The following PRKAR2B variants were observed in gnomAD, a reference collection of about 807,000 sequenced individuals.
PRKAR2B encodes the protein cAMP-dependent protein kinase type II-beta regulatory subunit.
In PRKAR2B, 14 loss-of-function variants were observed where a neutral mutation model predicts 49.9. The observed-to-expected ratio is 0.28, with a 90% CI of 0.19 to 0.44. PRKAR2B has a LOEUF of 0.44. PRKAR2B is among the 20% of genes least tolerant of loss of function. PRKAR2B has a pLI of 1.00. For synonymous variants in PRKAR2B, 196 were observed against 197.7 expected (o/e 0.99, Z 0.07); for missense variants, 393 against 537.9 (o/e 0.73, Z 2.67).
At chr7:107,118,180 A>G (rs777634077) in intron 2 of PRKAR2B, among the ~76,000 whole-genome samples, 11 of 152,136 alleles carry the variant, frequency 7.2e-5, no homozygotes, top group Admixed American at 5.9e-4. Flanking sequence ...TGTTACAGAA[A>G]TATTTACTGA....
intron 2 of PRKAR2B, among the ~76,000 whole-genome samples, chr7:107,095,744 G>GC (rs1794825141): frequency 6.6e-6 from 1 of 152,160 alleles, no homozygotes; most frequent in Admixed American, 6.5e-5. Context: ...GGCTTTTTCT[G>GC]CATCTATTGA....
chr7:107,078,445 C>T (rs1794450702), intron 2 of PRKAR2B, among the ~76,000 whole-genome samples: 1 of 152,056 alleles, frequency 6.6e-6, no homozygotes, highest in African/African-American at 2.4e-5. Flanking sequence ...AGGGCACAGG[C>T]CTGGGGGCTT....
At chr7:107,092,723 A>G (rs1794753782) in intron 2 of PRKAR2B, among the ~76,000 whole-genome samples, 1 of 152,354 alleles carries the variant, frequency 6.6e-6, no homozygotes, top group South Asian at 2.1e-4. Flanking sequence ...AATTTTAAAC[A>G]TAACATAAAA....
intron 2 of PRKAR2B, among the ~76,000 whole-genome samples, chr7:107,109,124 C>T (rs372543848): frequency 1.3e-5 from 2 of 152,180 alleles, no homozygotes; most frequent in South Asian, 4.1e-4. Context: ...GTAAGGTAAC[C>T]TCCAGGTCAT....
At chr7:107,139,396 A>G (rs1249846877) in intron 4 of PRKAR2B, among the ~76,000 whole-genome samples, 3 of 152,096 alleles carry the variant, frequency 2.0e-5, no homozygotes, top group African/African-American at 7.2e-5. Context: ...GTTTCTCTCG[A>G]ATCTTTTGTC....
intron 2 of PRKAR2B, among the ~76,000 whole-genome samples, chr7:107,121,123 T>C (rs1408666511): frequency 3.2e-4 from 48 of 151,900 alleles, no homozygotes; most frequent in Admixed American, 3.2e-3. Context: ...TATTACATAT[T>C]TTTTGTCGGA....
rs1793673380 is a variant in PRKAR2B, at chr7:107,045,610, C to CCTTG, written c.307+397_307+400dup. ...GGCCCGCTTGGCGTCTTCTTTCAGCCCTTGTATTTATTAATGGAATGTCGA... is the reference window on the plus strand; with the variant it reads ...GGCCCGCTTGGCGTCTTCTTTCAGCCCTTGCTTGTATTTATTAATGGAATGTCGA... On this transcript the variant is annotated intron_variant, in intron 1 of 10. Transcript: ENST00000265717. Among the ~76,000 whole-genome samples the CCTTG allele has an allele frequency of 2.6e-5, 4 of 152,182 alleles. No homozygotes were observed. The South Asian group carries it at 8.3e-4, about 32-fold the overall frequency.
intron 3 of PRKAR2B, among the ~76,000 whole-genome samples, chr7:107,127,000 TG>T (rs1319837596): frequency 6.6e-6 from 1 of 152,224 alleles, no homozygotes; most frequent in Non-Finnish European, 1.5e-5. Context: ...TGCAAATAAA[TG>T]GTATATATAT....
chr7:107,153,379 C>G, intron 8 of PRKAR2B, 128 bp downstream of exon 8: 2 of 549,372 alleles, frequency 3.6e-6, no homozygotes, highest in Admixed American at 3.8e-5. Context: ...AATATTACTT[C>G]TACCAAATGA....
At chr7:107,106,420 T>C (rs570713620) in intron 2 of PRKAR2B, among the ~76,000 whole-genome samples, 7 of 152,312 alleles carry the variant, frequency 4.6e-5, no homozygotes, top group South Asian at 4.1e-4. Context: ...ATACATCAGA[T>C]GGACAATAAT....
At chr7:107,067,550 C>T (rs1794177493) in intron 1 of PRKAR2B, among the ~76,000 whole-genome samples, 1 of 152,078 alleles carries the variant, frequency 6.6e-6, no homozygotes, top group South Asian at 2.1e-4. Flanking sequence ...GCAAAAATAT[C>T]AAGGAGAAAT....
At chr7:107,148,818 T>C (rs1314456230) in intron 6 of PRKAR2B, among the ~76,000 whole-genome samples, 1 of 152,212 alleles carries the variant, frequency 6.6e-6, no homozygotes, top group Admixed American at 6.5e-5. Flanking sequence ...AGGGCTAACA[T>C]GATCTACGTG....
Position 107,146,533 on chromosome 7 carries a change from GC to G in PRKAR2B, c.741+73del, listed in dbSNP as rs1347905780. The G allele has an allele frequency of 2.7e-6, 4 of 1,472,308 alleles. No homozygotes were observed. In the Admixed American group the frequency reaches 6.1e-5, roughly 23 times the overall value. 91.2% of individuals were successfully genotyped at this position (1,472,308 alleles called of 1,614,324 possible). A position where few individuals can be genotyped will look rare whatever the true frequency, so the allele number is the denominator to read the frequency against. On this transcript the variant is annotated intron_variant, in intron 6 of 10. Coordinates refer to ENST00000265717, the MANE Select transcript of PRKAR2B (RefSeq NM_002736.3). ...TGCTATGACGGTGTTACAAATTGCC[GC>G]ATGTAGTATTTTAATTTAAAGATCA...
intron 2 of PRKAR2B, among the ~76,000 whole-genome samples, chr7:107,119,927 C>T (rs376538000): frequency 1.3e-5 from 2 of 152,276 alleles, no homozygotes; most frequent in South Asian, 2.1e-4. Flanking sequence ...AGGAATTACG[C>T]GGGTAAATTC....
rs763571923 is a variant in PRKAR2B, at chr7:107,153,206, G to A, written c.873G>A (p.Val291=). The A allele has an allele frequency of 6.2e-7, 1 of 1,608,944 alleles. No individual in the cohort carries two copies. The highest frequency in any genetic ancestry group is 1.1e-5 in the South Asian group (1 of 89,832). ...CTGAACGCCTGAAAGTAGTAGATGTGATAGGCACCAAAGTATACAACGATG... is the reference window on the plus strand; with the variant it reads ...CTGAACGCCTGAAAGTAGTAGATGTAATAGGCACCAAAGTATACAACGATG... ...EFSERLKVVD[V]IGTKVYNDGE... The change falls in exon 8 of 11, where the codon GTG becomes GTA. Residue 291 remains valine (V), a synonymous_variant. Coordinates refer to ENST00000265717, the MANE Select transcript of PRKAR2B (RefSeq NM_002736.3).
Position 107,073,389 on chromosome 7 carries a change from C to G in PRKAR2B, c.343+3073C>G, listed in dbSNP as rs967617218. 5.3e-5 allele frequency among the ~76,000 whole-genome samples: 8 copies of G among 152,134 alleles called. No individual in the cohort carries two copies. The East Asian group carries it at 1.5e-3, about 29-fold the overall frequency. ...GTAAGTGAAAGGAATCAGTTTCACT[C>G]ATTATTTTCAAACAGAATTCCTAGC... On this transcript the variant is annotated intron_variant, in intron 2 of 10. Transcript: ENST00000265717.
intron 4 of PRKAR2B, among the ~76,000 whole-genome samples, chr7:107,134,913 G>A (rs1480942635): frequency 2.0e-5 from 3 of 152,042 alleles, no homozygotes; most frequent in Admixed American, 2.0e-4. Flanking sequence ...AGTCTTTATG[G>A]TCTTAGATTT....
intron 2 of PRKAR2B, among the ~76,000 whole-genome samples, 178 bp downstream of exon 2, chr7:107,070,494 C>T (rs887374207): frequency 8.6e-5 from 13 of 152,010 alleles, no homozygotes; most frequent in Non-Finnish European, 1.8e-4. Context: ...TTGAAAATGC[C>T]CTACCTAGGA....
In PRKAR2B at chr7:107,118,539, G is replaced by A. The variant is rs377685231; in HGVS notation, c.344-3413G>A. 2.7e-4 allele frequency among the ~76,000 whole-genome samples: 41 copies of A among 152,272 alleles called. No homozygotes were observed. The South Asian group carries it at 8.5e-3, about 32-fold the overall frequency. ...CAGAGATGAACAAGAGCACACAGTC[G>A]GTTCCTGGAGGGCTGCGTCTCAGCC... On this transcript the variant is annotated intron_variant, in intron 2 of 10. Coordinates refer to ENST00000265717, the MANE Select transcript of PRKAR2B (RefSeq NM_002736.3).
Sources: gnomAD v4.1 joint callset for allele counts (sites outside exome capture counted in the v4.1 genomes callset) on GRCh38, gnomAD v4.1.1 for gene constraint, MANE v1.5 for transcripts, NCBI Gene and HGNC (gene_info 2026-07-23, HGNC 2026-07-21) for gene names.